The following AUTS2 variants were observed in gnomAD, a reference collection of about 807,000 sequenced individuals.
AUTS2 encodes activator of transcription and developmental regulator AUTS2.
AUTS2 carries 17 observed loss-of-function variants against 112.4 expected under a neutral mutation model. The ratio of observed to expected loss-of-function variants is 0.15; its 90% CI spans 0.10 to 0.23. AUTS2 has a LOEUF of 0.23. Among genes scored for constraint, AUTS2 ranks in the 10% least tolerant of loss-of-function variants. AUTS2 has a pLI of 1.00. For missense variants in AUTS2, 1,510 were observed against 1,701.6 expected (o/e 0.89, Z 1.98); for synonymous variants, 751 against 702.7 (o/e 1.07, Z -1.09).
At chr7:70,055,569 A>G (rs1035345404) in intron 2 of AUTS2, among the ~76,000 whole-genome samples, 4 of 152,256 alleles carry the variant, frequency 2.6e-5, no homozygotes, top group Non-Finnish European at 4.4e-5. Context: ...ATATGTTACC[A>G]ACATGCTGTG....
intron 6 of AUTS2, among the ~76,000 whole-genome samples, chr7:70,715,732 A>G (rs1810330202): frequency 6.6e-6 from 1 of 151,954 alleles, no homozygotes; most frequent in Non-Finnish European, 1.5e-5. Context: ...AGGTTTCACC[A>G]TGTTAGCCAG....
chr7:70,055,421 C>T (rs1051111398), intron 2 of AUTS2, among the ~76,000 whole-genome samples: 1 of 151,412 alleles, frequency 6.6e-6, no homozygotes, highest in Non-Finnish European at 1.5e-5. Context: ...ACAACAAGAG[C>T]AAAACTCCAT....
At chr7:70,461,548 TGTG>T (rs1319324503) in intron 5 of AUTS2, among the ~76,000 whole-genome samples, 1 of 152,160 alleles carries the variant, frequency 6.6e-6, no homozygotes, top group Non-Finnish European at 1.5e-5. Flanking sequence ...CTCTGAGACA[TGTG>T]GTGGTAATGA....
At chr7:69,649,730 G>A (rs1218278037) in intron 1 of AUTS2, among the ~76,000 whole-genome samples, 1 of 151,972 alleles carries the variant, frequency 6.6e-6, no homozygotes, top group East Asian at 1.9e-4. Flanking sequence ...CCAGCAAATA[G>A]CTATAATTAG....
chr7:69,700,398 AT>A (rs956501568), intron 1 of AUTS2, among the ~76,000 whole-genome samples: 10 of 148,264 alleles, frequency 6.7e-5, no homozygotes, highest in Admixed American at 4.0e-4. Flanking sequence ...GATTACGGGG[AT>A]TTTTTTTTTC....
At chr7:69,978,859 AACACACACACACACACACAC>A (rs71068004) in intron 2 of AUTS2, among the ~76,000 whole-genome samples, 4 of 129,716 alleles carry the variant, frequency 3.1e-5, no homozygotes, top group Non-Finnish European at 4.8e-5. Flanking sequence ...TCAAAGAAAC[AACACACACACACACACACAC>A]ACACACACAC....
intron 1 of AUTS2, among the ~76,000 whole-genome samples, chr7:69,864,029 G>A (rs1687994182): frequency 6.6e-6 from 1 of 152,162 alleles, no homozygotes; most frequent in Admixed American, 6.5e-5. Flanking sequence ...GCAGGGGTGG[G>A]AGTCTTAGTC....
intron 4 of AUTS2, among the ~76,000 whole-genome samples, chr7:70,165,271 G>T (rs997366026): frequency 1.3e-5 from 2 of 152,164 alleles, no homozygotes; most frequent in African/African-American, 2.4e-5. Context: ...AGAAACGCTA[G>T]AAGAGATAAT....
In AUTS2 at chr7:70,337,344, A is replaced by G. The variant is rs73440721; in HGVS notation, c.661-98408A>G. Among the ~76,000 whole-genome samples the G allele has an allele frequency of 2.8e-3, 430 of 152,346 alleles. 3 individuals carry two copies. Among genetic ancestry groups the G allele is most frequent in the African/African-American group, 1.0e-2 (414 of 41,584 alleles). On this transcript the variant is annotated intron_variant, in intron 4 of 18. Coordinates refer to ENST00000342771, the MANE Select transcript of AUTS2 (RefSeq NM_015570.4). ...ACTTTAAATGGCTTTCCAAAAGGCAACCTCTATTGTAAGGCTCCGAGCTGA... is the reference window on the plus strand; with the variant it reads ...ACTTTAAATGGCTTTCCAAAAGGCAGCCTCTATTGTAAGGCTCCGAGCTGA...
At chr7:70,468,130 C>G (rs567612034) in intron 5 of AUTS2, among the ~76,000 whole-genome samples, 2 of 152,220 alleles carry the variant, frequency 1.3e-5, no homozygotes, top group Admixed American at 6.5e-5. Context: ...AGAGATGGGG[C>G]TTATATGCAA....
chr7:69,679,982 T>C (rs971835300), intron 1 of AUTS2, among the ~76,000 whole-genome samples: 4 of 152,240 alleles, frequency 2.6e-5, no homozygotes, highest in African/African-American at 9.6e-5. Context: ...ATTTCTTGAC[T>C]AAACAGTTGT....
intron 4 of AUTS2, among the ~76,000 whole-genome samples, chr7:70,344,311 C>T (rs940068532): frequency 2.0e-5 from 3 of 152,108 alleles, no homozygotes; most frequent in African/African-American, 7.2e-5. Flanking sequence ...AAATACGAGG[C>T]ATGAGAGAGG....
At chr7:70,789,485 G>T (rs982363995) in intron 18 of AUTS2, among the ~76,000 whole-genome samples, 8 of 152,070 alleles carry the variant, frequency 5.3e-5, no homozygotes, top group Non-Finnish European at 1.2e-4. Context: ...CTCTTAACAT[G>T]CAGAGAGATT....
rs59110810 is a variant in AUTS2 at position 70,751,612 on chromosome 7, G to T, written c.743-11258G>T. ...CATCTTTACTCAGAGTAGGCGTGCT[G>T]TGTGGTGCAAATCCATACATGTTTG... is the stretch of plus-strand genomic sequence containing the variant. On this transcript the variant is annotated intron_variant, in intron 6 of 18. Transcript: ENST00000342771. 4.7e-3 allele frequency among the ~76,000 whole-genome samples: 717 copies of T among 152,268 alleles called. 7 individuals carry two copies. The highest frequency in any genetic ancestry group is 0.017 in the African/African-American group (689 of 41,542).
At position 70,790,482 on chromosome 7, in the gene AUTS2, C is replaced by T; in HGVS notation, c.3266C>T (p.Pro1089Leu). The T allele has an allele frequency of 1.9e-6, 3 of 1,612,556 alleles. No individual in the cohort carries two copies. The highest frequency in any genetic ancestry group is 2.5e-6 in the Non-Finnish European group (3 of 1,179,390). The stretch of plus-strand genomic sequence containing the variant: ...GAACTTGACATTCACCGGAGAGACC[C>T]GCTGGGCAGGGACTTCCTGCTAAGG... ...YRELDIHRRDPLGRDFLLRND... is the reference protein window; with the variant it reads ...YRELDIHRRDLLGRDFLLRND... The change falls in exon 19 of 19, where the codon CCG (proline) becomes CTG (leucine). Residue 1089 changes from proline (P) to leucine (L), a missense_variant. Coordinates refer to ENST00000342771, the MANE Select transcript of AUTS2 (RefSeq NM_015570.4). The surrounding 1 kb of genome is among the most constrained non-coding windows in gnomAD (Gnocchi z 7.6).
intron 4 of AUTS2, among the ~76,000 whole-genome samples, chr7:70,262,516 T>C (rs2129607421): frequency 6.6e-6 from 1 of 152,340 alleles, no homozygotes; most frequent in African/African-American, 2.4e-5. Flanking sequence ...CTTAACCTTG[T>C]TTTATATATC....
chr7:70,766,278 C>G lies in AUTS2; in HGVS notation c.1633C>G (p.Pro545Ala), dbSNP rs542847697. ...GCACACGCACCAGCACACCTTCACG[C>G]CGTTCCCCCACGCCATCCCACCCAC... ...HQHTHQHTFT[P>A]FPHAIPPTAI... The change falls in exon 9 of 19, where the codon CCG becomes GCG. Residue 545 changes from proline (P) to alanine (A), a missense_variant. Coordinates refer to ENST00000342771, the MANE Select transcript of AUTS2 (RefSeq NM_015570.4). The surrounding 1 kb of genome is among the most constrained non-coding windows in gnomAD (Gnocchi z 4.8). 3.1e-6 allele frequency: 5 copies of G among 1,614,142 alleles called. No individual in the cohort carries two copies. The South Asian group carries it at 5.5e-5, about 18-fold the overall frequency.
intron 5 of AUTS2, among the ~76,000 whole-genome samples, chr7:70,468,732 C>T (rs1005534486): frequency 6.6e-6 from 1 of 151,902 alleles, no homozygotes; most frequent in African/African-American, 2.4e-5. Context: ...GAAGAGGAAG[C>T]AGGAATCAAA....
intron 5 of AUTS2, among the ~76,000 whole-genome samples, chr7:70,622,752 A>G (rs2129536940): frequency 6.6e-6 from 1 of 152,372 alleles, no homozygotes; most frequent in African/African-American, 2.4e-5. Context: ...AAATGGATCC[A>G]GAACTGTTGG....
Sources: allele counts gnomAD v4.1 joint callset (sites outside exome capture counted in the v4.1 genomes callset), GRCh38; gene constraint gnomAD v4.1.1; non-coding constraint Gnocchi (gnomAD v3.1); transcripts MANE v1.5; gene names NCBI Gene and HGNC (gene_info 2026-07-23, HGNC 2026-07-21).